RARB: variants seen among roughly 807,000 people sequenced by gnomAD.
The protein encoded by RARB is retinoic acid receptor beta.
A neutral mutation model predicts 51.9 loss-of-function variants in RARB; 17 were observed. That is an observed-to-expected ratio of 0.33 (90% CI 0.22 to 0.49). RARB has a LOEUF of 0.49. Ranked by LOEUF, RARB falls within the 20% of genes least tolerant of loss-of-function variation. RARB has a pLI of 0.99. For synonymous variants in RARB, 215 were observed against 195.4 expected (o/e 1.10, Z -0.84); for missense variants, 369 against 550.8 (o/e 0.67, Z 3.30).
At chr3:25,094,361 C>T (rs1417153451) in intron 3 of RARB, among the ~76,000 whole-genome samples, 3 of 151,994 alleles carry the variant, frequency 2.0e-5, no homozygotes, top group African/African-American at 7.2e-5. Flanking sequence ...ATGTCCTGGG[C>T]AAATAGCAAA....
chr3:25,290,639 T>C (rs1575287464), intron 5 of RARB, among the ~76,000 whole-genome samples: 1 of 152,146 alleles, frequency 6.6e-6, no homozygotes, highest in Non-Finnish European at 1.5e-5. Flanking sequence ...AGTGGGTACA[T>C]GGTAAAAAAG....
At position 25,081,618 on chromosome 3, in the gene RARB, TATA is replaced by T. The variant is rs1362428099; in HGVS notation, c.-328+21443_-328+21445del. ...ATATATATATATATATATATATATATATATTTTTTTTTTTTTTTTTTTTTTTTT... is the reference window on the plus strand; with the variant it reads ...ATATATATATATATATATATATATATTTTTTTTTTTTTTTTTTTTTTTTTT... On this transcript the variant is annotated intron_variant, in intron 3 of 11. Transcript: ENST00000383772. 9.3e-4 allele frequency among the ~76,000 whole-genome samples: 15 copies of T among 16,142 alleles called. 1 individual carries two copies. Among genetic ancestry groups the T allele is most frequent in the African/African-American group, 2.4e-3 (8 of 3,280 alleles). The allele number at this position is 16,142 out of a possible 152,430, so 10.6% of individuals were successfully genotyped here. A position where few individuals can be genotyped will look rare whatever the true frequency, so the allele number is the denominator to read the frequency against.
intron 5 of RARB, among the ~76,000 whole-genome samples, chr3:25,287,345 T>C (rs920381897): frequency 1.3e-5 from 2 of 152,158 alleles, no homozygotes; most frequent in Non-Finnish European, 2.9e-5. Context: ...TGTTTCCATA[T>C]ACAAGGGAGA....
chr3:24,897,883 T>G (rs542074686), intron 2 of RARB, among the ~76,000 whole-genome samples: 121 of 152,296 alleles, frequency 7.9e-4, no homozygotes, highest in Non-Finnish European at 1.6e-3. Context: ...AAGAAGACAT[T>G]TGCCAAATAC....
At chr3:25,031,302 C>T (rs1327469306) in intron 2 of RARB, among the ~76,000 whole-genome samples, 2 of 152,214 alleles carry the variant, frequency 1.3e-5, no homozygotes, top group East Asian at 3.8e-4. Context: ...ACACACCTAG[C>T]CACGCTTTCT....
At chr3:25,521,350 G>A (rs900695521) in intron 3 of RARB, among the ~76,000 whole-genome samples, 2 of 152,086 alleles carry the variant, frequency 1.3e-5, no homozygotes, top group African/African-American at 4.8e-5. Flanking sequence ...CGGGGGTGCC[G>A]CAAGCATCAC....
At chr3:25,515,888 T>C (rs923674225) in intron 3 of RARB, among the ~76,000 whole-genome samples, 3 of 152,352 alleles carry the variant, frequency 2.0e-5, no homozygotes, top group South Asian at 2.1e-4. Flanking sequence ...GATTAAAATA[T>C]GGAGTAGTGG....
chr3:25,264,109 TGA>T (rs1491579144), intron 5 of RARB, among the ~76,000 whole-genome samples: 3,320 of 55,446 alleles, frequency 0.06, 58 homozygotes, highest in South Asian at 0.084. Context: ...GGGGCATTGT[TGA>T]TTTTTTTTTT....
At chr3:25,140,877 C>T (rs1007914624) in intron 4 of RARB, among the ~76,000 whole-genome samples, 2 of 152,152 alleles carry the variant, frequency 1.3e-5, no homozygotes, top group Non-Finnish European at 2.9e-5. Context: ...AAGGTTATGA[C>T]TCACTGAAGG....
chr3:25,095,611 C>T (rs1699279618), intron 3 of RARB, among the ~76,000 whole-genome samples: 2 of 152,064 alleles, frequency 1.3e-5, no homozygotes, highest in Non-Finnish European at 2.9e-5. Flanking sequence ...AATGACAGTA[C>T]AAGGCATTCA....
chr3:25,235,232 T>C (rs1702275569), intron 5 of RARB, among the ~76,000 whole-genome samples: 1 of 152,168 alleles, frequency 6.6e-6, no homozygotes, highest in Non-Finnish European at 1.5e-5. Flanking sequence ...AGTTGCTTTT[T>C]ATTCTGTCTG....
At chr3:25,187,708 G>C (rs948919347) in intron 5 of RARB, among the ~76,000 whole-genome samples, 1 of 152,140 alleles carries the variant, frequency 6.6e-6, no homozygotes, top group Middle Eastern at 3.4e-3. Flanking sequence ...ATGGTGTTCA[G>C]GCTACAGAGA....
At chr3:25,098,009 C>G (rs903589296) in intron 3 of RARB, among the ~76,000 whole-genome samples, 4 of 152,126 alleles carry the variant, frequency 2.6e-5, no homozygotes, top group Admixed American at 6.5e-5. Context: ...TCCACAGTAC[C>G]ATGTGAATAA....
At chr3:25,274,497 G>T (rs1703332635) in intron 5 of RARB, among the ~76,000 whole-genome samples, 1 of 152,186 alleles carries the variant, frequency 6.6e-6, no homozygotes, top group African/African-American at 2.4e-5. Flanking sequence ...TCCTACTCGG[G>T]ACTGCTGAGT....
intron 4 of RARB, among the ~76,000 whole-genome samples, chr3:25,170,741 T>A (rs1029703691): frequency 6.6e-6 from 1 of 152,168 alleles, no homozygotes; most frequent in African/African-American, 2.4e-5. Flanking sequence ...AAAATAATTG[T>A]GGAATTGATT....
chr3:24,842,623 C>T (rs567022881), intron 1 of RARB, among the ~76,000 whole-genome samples: 58 of 152,174 alleles, frequency 3.8e-4, no homozygotes, highest in African/African-American at 1.3e-3. Context: ...GGTACTTTTT[C>T]GAGGTCACAA....
At chr3:25,207,480 A>G (rs1158158910) in intron 5 of RARB, among the ~76,000 whole-genome samples, 2 of 152,246 alleles carry the variant, frequency 1.3e-5, no homozygotes, top group Non-Finnish European at 2.9e-5. Context: ...AAGGTTATAT[A>G]TCAAACACAG....
chr3:24,962,788 A>G (rs1324732506), intron 2 of RARB, among the ~76,000 whole-genome samples: 1 of 152,212 alleles, frequency 6.6e-6, no homozygotes, highest in African/African-American at 2.4e-5. Flanking sequence ...GGGGGTTGCT[A>G]CACTAAATGA....
chr3:25,116,670 A>T (rs1419758251), intron 3 of RARB, among the ~76,000 whole-genome samples: 1 of 151,858 alleles, frequency 6.6e-6, no homozygotes, highest in Non-Finnish European at 1.5e-5. Flanking sequence ...GCTACCATTG[A>T]CTTTGGTAAG....
Sources: allele counts gnomAD v4.1 joint callset (sites outside exome capture counted in the v4.1 genomes callset), GRCh38; gene constraint gnomAD v4.1.1; transcripts MANE v1.5; gene names NCBI Gene and HGNC (gene_info 2026-07-23, HGNC 2026-07-21).